The following NEDD4L variants were observed in gnomAD, a reference collection of about 807,000 sequenced individuals.
The protein encoded by NEDD4L is NEDD4 like E3 ubiquitin protein ligase.
NEDD4L carries 54 observed loss-of-function variants against 148.9 expected under a neutral mutation model. The ratio of observed to expected loss-of-function variants is 0.36; its 90% CI spans 0.29 to 0.45. NEDD4L has a LOEUF of 0.45. NEDD4L is among the 20% of genes least tolerant of loss of function. The pLI is 1.00. For synonymous variants in NEDD4L, 433 were observed against 440.7 expected (o/e 0.98, Z 0.22); for missense variants, 856 against 1,233.8 (o/e 0.69, Z 4.59).
chr18:58,311,020 T>C (rs1216970082), intron 5 of NEDD4L, among the ~76,000 whole-genome samples: 1 of 152,232 alleles, frequency 6.6e-6, no homozygotes. Context: ...AAACCTTTTT[T>C]TTTTTGGAAA....
chr18:58,196,898 G>A (rs1377402039), intron 2 of NEDD4L, among the ~76,000 whole-genome samples: 2 of 151,994 alleles, frequency 1.3e-5, no homozygotes, highest in East Asian at 1.9e-4. Flanking sequence ...AGGCTGAGAC[G>A]GGAGCTCCTG....
chr18:58,247,796 G>A (rs2047446138), intron 3 of NEDD4L, among the ~76,000 whole-genome samples: 1 of 152,210 alleles, frequency 6.6e-6, no homozygotes. Flanking sequence ...GCAGCCAGAG[G>A]CAGGCCAGGC....
chr18:58,351,158 T>C lies in NEDD4L; in HGVS notation c.1708+113T>C, dbSNP rs535329185. The stretch of plus-strand genomic sequence containing the variant: ...ACTCTTTATCTAGGCAGCCAGGTGT[T>C]ATGTGGAGAAAATGATACCAGAGAA... On this transcript the variant is annotated intron_variant, in intron 18 of 30. Coordinates refer to ENST00000400345, the MANE Select transcript of NEDD4L (RefSeq NM_001144967.3). The C allele has an allele frequency of 7.2e-4, 1,098 of 1,524,506 alleles. 4 individuals carry two copies. The highest frequency in any genetic ancestry group is 8.7e-4 in the Non-Finnish European group (988 of 1,130,750). The allele number at this position is 1,524,506 out of a possible 1,614,324, so 94.4% of individuals were successfully genotyped here.
intron 5 of NEDD4L, among the ~76,000 whole-genome samples, chr18:58,260,830 T>C (rs1186328665): frequency 6.6e-6 from 1 of 152,218 alleles, no homozygotes; most frequent in African/African-American, 2.4e-5. Flanking sequence ...GAAGGCTTCT[T>C]TGGGGATCCA....
chr18:58,155,340 TAGACTC>T (rs1234682611), intron 1 of NEDD4L, among the ~76,000 whole-genome samples: 1 of 150,518 alleles, frequency 6.6e-6, no homozygotes, highest in African/African-American at 2.4e-5. Context: ...CGCTCCAAGT[TAGACTC>T]AGATGAAATC....
intron 16 of NEDD4L, among the ~76,000 whole-genome samples, chr18:58,349,107 C>T (rs1028094662): frequency 3.3e-5 from 5 of 151,984 alleles, no homozygotes; most frequent in Admixed American, 2.0e-4. Context: ...GGCAGGGAGG[C>T]CTATTCCCTA....
intron 5 of NEDD4L, among the ~76,000 whole-genome samples, chr18:58,254,516 C>T (rs2048279939): frequency 7.1e-6 from 1 of 140,924 alleles, no homozygotes. Context: ...ACAGTCAGCT[C>T]TAGGTAGCAT....
intron 1 of NEDD4L, among the ~76,000 whole-genome samples, chr18:58,067,068 C>T (rs1246277935): frequency 1.3e-5 from 2 of 152,140 alleles, no homozygotes; most frequent in African/African-American, 4.8e-5. Flanking sequence ...TTAAATGTTT[C>T]CAGCCCTGAA....
chr18:58,106,433 C>G (rs1296172816), intron 1 of NEDD4L, among the ~76,000 whole-genome samples: 1 of 152,164 alleles, frequency 6.6e-6, no homozygotes, highest in African/African-American at 2.4e-5. Context: ...TTACAGGCTC[C>G]CCCTTGTTGA....
intron 11 of NEDD4L, among the ~76,000 whole-genome samples, chr18:58,333,609 A>G (rs559079607): frequency 2.0e-5 from 3 of 152,312 alleles, no homozygotes; most frequent in Admixed American, 6.5e-5. Context: ...CTAAGGACCA[A>G]TCAAAATTCC....
At chr18:58,194,340 G>T (rs1016280314) in intron 2 of NEDD4L, among the ~76,000 whole-genome samples, 4 of 152,212 alleles carry the variant, frequency 2.6e-5, no homozygotes, top group African/African-American at 9.6e-5. Context: ...CTTGATAAGT[G>T]TTGGGCCGGT....
intron 2 of NEDD4L, chr18:58,189,783 C>T (rs970141516): frequency 3.9e-5 from 6 of 152,338 alleles, no homozygotes; most frequent in Middle Eastern, 3.4e-3. Flanking sequence ...GGGCACACCT[C>T]GATCCCTTCT....
intron 5 of NEDD4L, among the ~76,000 whole-genome samples, chr18:58,297,354 C>A (rs374903356): frequency 1.3e-5 from 2 of 152,118 alleles, no homozygotes; most frequent in African/African-American, 2.4e-5. Context: ...ATCATCTTAC[C>A]CTGCAGCTGA....
At chr18:58,368,118 T>A (rs1285864851) in intron 22 of NEDD4L, among the ~76,000 whole-genome samples, 1 of 152,250 alleles carries the variant, frequency 6.6e-6, no homozygotes, top group African/African-American at 2.4e-5. Flanking sequence ...ATTATGTATT[T>A]ATACATTTGT....
chr18:58,363,399 C>T (rs191643618), intron 19 of NEDD4L, among the ~76,000 whole-genome samples: 6 of 152,076 alleles, frequency 3.9e-5, no homozygotes, highest in Non-Finnish European at 7.4e-5. Flanking sequence ...GAGTTGTTTT[C>T]GAGGCTGTCA....
chr18:58,052,718 C>T (rs1440946341), intron 1 of NEDD4L, among the ~76,000 whole-genome samples: 3 of 151,660 alleles, frequency 2.0e-5, no homozygotes, highest in Non-Finnish European at 4.4e-5. Context: ...ATAATCCTAG[C>T]ACTTTGGGAG....
intron 18 of NEDD4L, among the ~76,000 whole-genome samples, chr18:58,353,593 G>T (rs2044201401): frequency 6.6e-6 from 1 of 152,220 alleles, no homozygotes; most frequent in African/African-American, 2.4e-5. Context: ...AACAGTTCAA[G>T]TCATTTGCCT....
At chr18:58,282,607 A>G (rs1015781997) in intron 5 of NEDD4L, among the ~76,000 whole-genome samples, 5 of 152,238 alleles carry the variant, frequency 3.3e-5, no homozygotes, top group Non-Finnish European at 5.9e-5. Flanking sequence ...GCCTTGATCT[A>G]CATAGCTTCT....
chr18:58,104,497 T>A (rs2145554288), intron 1 of NEDD4L, among the ~76,000 whole-genome samples: 1 of 152,332 alleles, frequency 6.6e-6, no homozygotes, highest in South Asian at 2.1e-4. Context: ...TATATGAATT[T>A]CACCTCGATT....
Sources: gnomAD v4.1 joint callset for allele counts (sites outside exome capture counted in the v4.1 genomes callset) on GRCh38, gnomAD v4.1.1 for gene constraint, MANE v1.5 for transcripts, NCBI Gene and HGNC (gene_info 2026-07-23, HGNC 2026-07-21) for gene names.